ZNF157: variants seen among roughly 807,000 people sequenced by gnomAD.
The protein encoded by ZNF157 is zinc finger protein 22.
ZNF157 carries 8 observed loss-of-function variants against 9.4 expected under a neutral mutation model. That is an observed-to-expected ratio of 0.85 (90% CI 0.50 to 1.53). The LOEUF (loss-of-function observed/expected upper bound fraction) is 1.53. Ranked by LOEUF, ZNF157 falls within the 40% of genes most tolerant of loss-of-function variation. ZNF157 has a pLI of 0.00. For synonymous variants in ZNF157, 120 were observed against 130.8 expected (o/e 0.92, Z 0.56); for missense variants, 316 against 385.2 (o/e 0.82, Z 1.50).
At chrX:47,377,309 A>G (rs1306571755) in intron 1 of ZNF157, among the ~76,000 whole-genome samples, 1 of 106,184 alleles carries the variant, frequency 9.4e-6, no homozygotes, top group Non-Finnish European at 1.9e-5. Flanking sequence ...TATTAATACA[A>G]CTCTGGGTCT....
intron 1 of ZNF157, among the ~76,000 whole-genome samples, chrX:47,371,750 A>G (rs1388352795): frequency 9.0e-6 from 1 of 110,776 alleles, no homozygotes; most frequent in East Asian, 2.8e-4. Flanking sequence ...TGGTATTACA[A>G]GTGCGTGCCA....
intron 1 of ZNF157, among the ~76,000 whole-genome samples, chrX:47,385,372 T>C (rs2055876393): frequency 9.0e-6 from 1 of 111,207 alleles, no homozygotes; most frequent in South Asian, 3.8e-4. Flanking sequence ...CCCCAGAGCA[T>C]GAAGAGAGAA....
At chrX:47,407,686 C>G (rs1375852914) in intron 1 of ZNF157, among the ~76,000 whole-genome samples, 2 of 111,065 alleles carry the variant, frequency 1.8e-5, no homozygotes, top group Admixed American at 9.7e-5. Context: ...TCTTTGTTTT[C>G]TTTTCTTTTT....
chrX:47,401,424 T>C (rs921435434), intron 1 of ZNF157, among the ~76,000 whole-genome samples: 12 of 112,175 alleles, frequency 1.1e-4, no homozygotes, highest in African/African-American at 3.6e-4. Context: ...AATTCAGACA[T>C]AGCCTGCGTA....
chrX:47,403,056 T>A (rs58297186), intron 1 of ZNF157, among the ~76,000 whole-genome samples: 1 of 104,475 alleles, frequency 9.6e-6, no homozygotes, highest in African/African-American at 3.5e-5. Flanking sequence ...AAATCAGGAG[T>A]TCGAGACCAG....
In ZNF157 at chrX:47,405,463, C is replaced by T. The variant is rs1034201918; in HGVS notation, c.73-4813C>T. Among the ~76,000 whole-genome samples the T allele has an allele frequency of 7.3e-5, 8 of 110,207 alleles. No homozygotes were observed. In the East Asian group the frequency reaches 8.5e-4, roughly 12 times the overall value. On this transcript the variant is annotated intron_variant, in intron 1 of 3. Coordinates refer to ENST00000377073, the MANE Select transcript of ZNF157 (RefSeq NM_003446.4). The stretch of plus-strand genomic sequence containing the variant: ...ACTTCCCAGCAGGCCCCTCCTCCAA[C>T]GCTGAAGATCATAATTCAACATGAG...
At chrX:47,409,612 C>T (rs1001120175) in intron 1 of ZNF157, among the ~76,000 whole-genome samples, 2 of 106,857 alleles carry the variant, frequency 1.9e-5, no homozygotes, top group African/African-American at 3.4e-5. Flanking sequence ...CAAAGTGCTA[C>T]GATCATAGGC....
At chrX:47,378,075 G>C (rs1018689713) in intron 1 of ZNF157, among the ~76,000 whole-genome samples, 6 of 111,111 alleles carry the variant, frequency 5.4e-5, no homozygotes, top group African/African-American at 2.0e-4. Context: ...ACGGGAGACT[G>C]GAATTTTTAT....
At chrX:47,409,112 C>A (rs1350368803) in intron 1 of ZNF157, among the ~76,000 whole-genome samples, 1 of 111,588 alleles carries the variant, frequency 9.0e-6, no homozygotes, top group Admixed American at 9.6e-5. Context: ...CCTCTGCTAG[C>A]CTTCTCTCTT....
At chrX:47,379,279 C>G (rs1214077157) in intron 1 of ZNF157, among the ~76,000 whole-genome samples, 1 of 110,671 alleles carries the variant, frequency 9.0e-6, no homozygotes, top group Non-Finnish European at 1.9e-5. Context: ...AGGCATGAGC[C>G]ACTGCACTTG....
chrX:47,390,218 T>C (rs1369393185), intron 1 of ZNF157: 1 of 111,566 alleles, frequency 9.0e-6, no homozygotes, highest in Non-Finnish European at 1.9e-5. Flanking sequence ...GGATAAAGTA[T>C]TGTTCCCAAC....
At chrX:47,377,840 T>A (rs761071854) in intron 1 of ZNF157, among the ~76,000 whole-genome samples, 4 of 109,862 alleles carry the variant, frequency 3.6e-5, no homozygotes, top group Admixed American at 9.9e-5. Flanking sequence ...CCTTTTTATA[T>A]GCTTATTTAC....
intron 1 of ZNF157, among the ~76,000 whole-genome samples, chrX:47,371,557 C>T (rs1311630354): frequency 9.0e-6 from 1 of 111,582 alleles, no homozygotes; most frequent in Non-Finnish European, 1.9e-5. Context: ...GACTGGCTTT[C>T]GTCATTCAGC....
intron 1 of ZNF157, among the ~76,000 whole-genome samples, chrX:47,379,298 T>C (rs769830816): frequency 3.3e-4 from 37 of 111,100 alleles, no homozygotes; most frequent in African/African-American, 1.1e-3. Flanking sequence ...TGGCTGGTGT[T>C]GTATTTAAAA....
At chrX:47,392,852 C>T (rs1196874069) in intron 1 of ZNF157, among the ~76,000 whole-genome samples, 1 of 111,372 alleles carries the variant, frequency 9.0e-6, no homozygotes, top group Non-Finnish European at 1.9e-5. Context: ...TAGATTAAGG[C>T]CTGAAAAATA....
chrX:47,408,888 C>T (rs758224784), intron 1 of ZNF157, among the ~76,000 whole-genome samples: 18 of 111,787 alleles, frequency 1.6e-4, no homozygotes, highest in Non-Finnish European at 3.4e-4. Context: ...CCAGGCCCCA[C>T]CTCCAACACT....
At chrX:47,404,225 G>C (rs1003473163) in intron 1 of ZNF157, among the ~76,000 whole-genome samples, 4 of 109,323 alleles carry the variant, frequency 3.7e-5, no homozygotes, top group Admixed American at 9.8e-5. Context: ...GAGTGCAGTG[G>C]CTTGATATCG....
intron 1 of ZNF157, among the ~76,000 whole-genome samples, chrX:47,387,886 CA>C (rs781763726): frequency 0.058 from 1,992 of 34,417 alleles, 31 homozygotes; most frequent in African/African-American, 0.23. Context: ...GACTCTGTCT[CA>C]AAAAAAAAAA....
At chrX:47,396,932 G>A (rs1408373122) in intron 1 of ZNF157, among the ~76,000 whole-genome samples, 1 of 111,312 alleles carries the variant, frequency 9.0e-6, no homozygotes, top group Non-Finnish European at 1.9e-5. Context: ...ATCCATTCTT[G>A]TGAGACTTAT....
Sources: gnomAD v4.1 joint callset for allele counts (sites outside exome capture counted in the v4.1 genomes callset) on GRCh38, gnomAD v4.1.1 for gene constraint, MANE v1.5 for transcripts, NCBI Gene and HGNC (gene_info 2026-07-23, HGNC 2026-07-21) for gene names.